The following ITLN1 variants were observed in gnomAD, a reference collection of about 807,000 sequenced individuals.
ITLN1 encodes intelectin 1.
ITLN1 carries 29 observed loss-of-function variants against 36.2 expected under a neutral mutation model. That is an observed-to-expected ratio of 0.80 (90% CI 0.60 to 1.09). The LOEUF is 1.09. Among genes scored for constraint, ITLN1 ranks in the 50% least tolerant of loss-of-function variants. The pLI is 0.00. For synonymous variants in ITLN1, 143 were observed against 146.5 expected (o/e 0.98, Z 0.17); for missense variants, 358 against 405.2 (o/e 0.88, Z 1.00).
intron 7 of ITLN1, among the ~76,000 whole-genome samples, chr1:160,878,891 G>A (rs1557855081): frequency 6.6e-6 from 1 of 152,098 alleles, no homozygotes; most frequent in Admixed American, 6.5e-5. Context: ...GGCAAACCAT[G>A]GCTAGGGTTG....
At position 160,880,627 on chromosome 1, in the gene ITLN1, C is replaced by T. The variant is rs146387867; in HGVS notation, c.646G>A (p.Ala216Thr). ...GAGTAATAAGATGCTGTTTTCTGGG[C>T]GTCGCCAAAATCATAGACCACAGGG... Reference protein sequence around the residue: ...VIPVVYDFGDAQKTASYYSPY... With the variant: ...VIPVVYDFGDTQKTASYYSPY... Residue 216 changes from alanine to threonine, a missense_variant, in exon 6 of 8, where the codon GCC (alanine) becomes ACC (threonine). Coordinates refer to ENST00000326245, the MANE Select transcript of ITLN1 (RefSeq NM_017625.3). 76 of 1,613,928 alleles carry T rather than the reference C, an allele frequency of 4.7e-5. No individual in the cohort carries two copies. In the African/African-American group the frequency reaches 6.0e-4, roughly 13 times the overall value.
intron 7 of ITLN1, among the ~76,000 whole-genome samples, chr1:160,878,400 T>A (rs1262958245): frequency 6.6e-6 from 1 of 150,596 alleles, no homozygotes; most frequent in Non-Finnish European, 1.5e-5. Flanking sequence ...TTTTTTTTTT[T>A]ATTGAGACAG....
chr1:160,880,860 A>G (rs905655152), intron 5 of ITLN1, 152 bp from the exon 6 acceptor site: 2 of 1,007,984 alleles, frequency 2.0e-6, no homozygotes, highest in African/African-American at 3.2e-5. Context: ...TCTTTCCATG[A>G]CACTGCTGCC....
At chr1:160,884,386 C>A (rs73029707) in intron 2 of ITLN1, among the ~76,000 whole-genome samples, 197 of 151,996 alleles carry the variant, frequency 1.3e-3, no homozygotes, top group African/African-American at 4.7e-3. Flanking sequence ...GAAGATATTT[C>A]GAAACAGCCT....
In ITLN1 at chr1:160,876,608, C is replaced by T. The variant is rs117699357; in HGVS notation, c.*56G>A. 73 of 1,573,684 alleles carry T rather than the reference C, an allele frequency of 4.6e-5. No individual in the cohort carries two copies. In the East Asian group the frequency reaches 1.6e-3, roughly 35 times the overall value. On this transcript the variant is annotated 3_prime_UTR_variant, in exon 8 of 8. Transcript: ENST00000326245. ...TCTAGCTACTGGGTAAGTTGTTCTC[C>T]ATCCTTGGGATCTCATGGTTGGGAG... is the stretch of plus-strand genomic sequence containing the variant.
chr1:160,879,401 C>T lies in ITLN1; in HGVS notation c.699G>A (p.Ala233=), dbSNP rs745386359. Residue 233 remains alanine (A), a synonymous_variant, in exon 7 of 8, where the codon GCG becomes GCA. Coordinates refer to ENST00000326245, the MANE Select transcript of ITLN1 (RefSeq NM_017625.3). ...TAAATACCCTGAACTGAACAAATCC[C>T]GCAGTGAATTCCCCTGAAAACAAGA... ...YSPYGQREFT[A]GFVQFRVFNN... is the part of the protein sequence containing the mutation. The T allele has an allele frequency of 2.2e-5, 35 of 1,613,820 alleles. 1 individual carries two copies. The highest frequency in any genetic ancestry group is 1.9e-4 in the South Asian group (17 of 91,076).
chr1:160,882,369 A>G, intron 3 of ITLN1, 165 bp from the exon 4 acceptor site: 1 of 716,544 alleles, frequency 1.4e-6, no homozygotes, highest in South Asian at 2.7e-5. Context: ...TGAGTTCAGA[A>G]GATCATGCTC....
At chr1:160,884,785 C>A in intron 2 of ITLN1, 35 bp downstream of exon 2, 1 of 1,489,692 alleles carries the variant, frequency 6.7e-7, no homozygotes, top group Non-Finnish European at 9.3e-7. Context: ...AGTCATCCAG[C>A]TGAAGGAACT....
At position 160,881,298 on chromosome 1, in the gene ITLN1, G is replaced by A. The variant is rs142202671; in HGVS notation, c.420C>T (p.Tyr140=). ...TSDDYKNPGY[Y]DIQAKDLGIW... is the part of the protein sequence containing the mutation. ...TGCCCAGGTCCTTGGCCTGGATGTC[G>A]TAGTAGCCAGGGTTCTGGAAAGCAA... Residue 140 remains tyrosine, a synonymous_variant, in exon 5 of 8, where the codon TAC becomes TAT. Transcript: ENST00000326245. The A allele has an allele frequency of 4.8e-5, 77 of 1,598,064 alleles. No individual in the cohort carries two copies. In the Admixed American group the frequency reaches 5.0e-4, roughly 10 times the overall value.
chr1:160,879,202 C>A, intron 7 of ITLN1, 109 bp downstream of exon 7: 1 of 828,352 alleles, frequency 1.2e-6, no homozygotes. Flanking sequence ...CTCCCACACA[C>A]GTACACACAC....
chr1:160,880,816 A>C (rs1670662990), intron 5 of ITLN1, 108 bp from the exon 6 acceptor site: 2 of 1,277,804 alleles, frequency 1.6e-6, no homozygotes, highest in Non-Finnish European at 2.2e-6. Context: ...TTTCTCAGTA[A>C]CTGAGATTAC....
At chr1:160,880,038 G>T (rs528929281) in intron 6 of ITLN1, among the ~76,000 whole-genome samples, 6 of 152,136 alleles carry the variant, frequency 3.9e-5, no homozygotes, top group Non-Finnish European at 7.3e-5. Context: ...GGGCGTGGTG[G>T]CTCACACCTG....
intron 7 of ITLN1, among the ~76,000 whole-genome samples, chr1:160,878,833 G>A (rs978970774): frequency 6.6e-6 from 1 of 152,134 alleles, no homozygotes; most frequent in Admixed American, 6.5e-5. Flanking sequence ...TTTCTAGAAG[G>A]TGATGTCCAG....
At chr1:160,883,706 G>A (rs528137714) in intron 2 of ITLN1, among the ~76,000 whole-genome samples, 180 bp from the exon 3 acceptor site, 3 of 151,988 alleles carry the variant, frequency 2.0e-5, no homozygotes, top group Non-Finnish European at 2.9e-5. Flanking sequence ...TCAGCCCATC[G>A]GCATCATATC....
In ITLN1 at chr1:160,883,545, T is replaced by G; in HGVS notation, c.59-19A>C. On this transcript the variant is annotated intron_variant, in intron 2 of 7. Transcript: ENST00000326245. ...GCCTCATCTAGGGAATACACAGGGT[T>G]TATTCTCATTCCCGGTTTGACACAA... The G allele has an allele frequency of 6.6e-7, 1 of 1,520,148 alleles. No individual in the cohort carries two copies. The highest frequency in any genetic ancestry group is 9.1e-7 in the Non-Finnish European group (1 of 1,095,044). The allele number at this position is 1,520,148 out of a possible 1,614,324, so 94.2% of individuals were successfully genotyped here. A position where few individuals can be genotyped will look rare whatever the true frequency, so the allele number is the denominator to read the frequency against.
intron 3 of ITLN1, among the ~76,000 whole-genome samples, chr1:160,882,813 A>G (rs761195109): frequency 6.6e-6 from 1 of 152,154 alleles, no homozygotes; most frequent in Non-Finnish European, 1.5e-5. Flanking sequence ...CAGCTACCAG[A>G]GACTGAGGGA....
chr1:160,884,883 T>C lies in ITLN1; in HGVS notation c.-6A>G. Reference sequence around the variant, plus strand: ...AGGAAGCTGAGTTGGTTCATTGTAATCTAAAGAAAGCAAGATGAAGGTCAC... The same window carrying C: ...AGGAAGCTGAGTTGGTTCATTGTAACCTAAAGAAAGCAAGATGAAGGTCAC... On this transcript the variant is annotated splice_region_variant and 5_prime_UTR_variant, in exon 2 of 8. Transcript: ENST00000326245. 1.2e-6 allele frequency: 2 copies of C among 1,610,606 alleles called. No homozygotes were observed. Among genetic ancestry groups the C allele is most frequent in the Non-Finnish European group, 1.7e-6 (2 of 1,176,994 alleles).
chr1:160,880,069 C>G (rs1328013611), intron 6 of ITLN1, among the ~76,000 whole-genome samples: 1 of 151,940 alleles, frequency 6.6e-6, no homozygotes, highest in Non-Finnish European at 1.5e-5. Context: ...ACTTTGGGAG[C>G]CGAAGGGGGC....
In ITLN1 at chr1:160,880,641, T is replaced by C. The variant is rs1436284224; in HGVS notation, c.632A>G (p.Tyr211Cys). 4 of 1,614,012 alleles carry C rather than the reference T, an allele frequency of 2.5e-6. No individual in the cohort carries two copies. Among genetic ancestry groups the C allele is most frequent in the African/African-American group, 1.3e-5 (1 of 74,926 alleles). ...TDNGPVIPVVYDFGDAQKTAS... is the reference protein window; with the variant it reads ...TDNGPVIPVVCDFGDAQKTAS... Reference sequence around the variant, plus strand: ...TGTTTTCTGGGCGTCGCCAAAATCATAGACCACAGGGATCACCGGGCCGTT... The same window carrying C: ...TGTTTTCTGGGCGTCGCCAAAATCACAGACCACAGGGATCACCGGGCCGTT... The change falls in exon 6 of 8, where the codon TAT becomes TGT. Residue 211 changes from tyrosine (Y) to cysteine (C), a missense_variant. By Grantham distance (194) the Tyr-to-Cys change is radical. Coordinates refer to ENST00000326245, the MANE Select transcript of ITLN1 (RefSeq NM_017625.3).
Sources: gnomAD v4.1 joint callset for allele counts (sites outside exome capture counted in the v4.1 genomes callset) on GRCh38, gnomAD v4.1.1 for gene constraint, MANE v1.5 for transcripts, NCBI Gene and HGNC (gene_info 2026-07-23, HGNC 2026-07-21) for gene names.